The following MAP4K5 variants were observed in gnomAD, a reference collection of about 807,000 sequenced individuals.
The protein encoded by MAP4K5 is MAPK/ERK kinase kinase kinase 5.
In MAP4K5, 82 loss-of-function variants were observed where a neutral mutation model predicts 135.6. That is an observed-to-expected ratio of 0.60 (90% CI 0.51 to 0.73). MAP4K5 has a LOEUF of 0.73. Ranked by LOEUF, MAP4K5 falls within the 30% of genes least tolerant of loss-of-function variation. MAP4K5 has a pLI of 0.00. For synonymous variants in MAP4K5, 347 were observed against 335.0 expected (o/e 1.04, Z -0.39); for missense variants, 907 against 1,010.9 (o/e 0.90, Z 1.39).
chr14:50,421,290 C>T (rs964676457), intron 32 of MAP4K5, among the ~76,000 whole-genome samples: 2 of 151,760 alleles, frequency 1.3e-5, no homozygotes, highest in African/African-American at 4.8e-5. Flanking sequence ...TGGAGTTTTG[C>T]TCTTGTCGCC....
intron 32 of MAP4K5, among the ~76,000 whole-genome samples, chr14:50,422,082 G>C (rs2035747205): frequency 6.6e-6 from 1 of 151,962 alleles, no homozygotes; most frequent in Non-Finnish European, 1.5e-5. Context: ...AGTAGAGACA[G>C]CTGATTCACC....
intron 13 of MAP4K5, among the ~76,000 whole-genome samples, chr14:50,458,580 A>G (rs1447567163): frequency 6.6e-6 from 1 of 152,148 alleles, no homozygotes; most frequent in Non-Finnish European, 1.5e-5. Flanking sequence ...CTTAATTTCT[A>G]TGTTCTCATT....
intron 2 of MAP4K5, chr14:50,505,233 T>C (rs2037785375): frequency 5.8e-6 from 1 of 171,430 alleles, no homozygotes; most frequent in Admixed American, 6.4e-5. Flanking sequence ...TGTATCTAAC[T>C]ACCTAGAGAA....
intron 2 of MAP4K5, among the ~76,000 whole-genome samples, chr14:50,525,535 T>C (rs2038244286): frequency 6.6e-6 from 1 of 152,118 alleles, no homozygotes; most frequent in African/African-American, 2.4e-5. Flanking sequence ...TATTTCCTCC[T>C]AAAAAGTGTT....
chr14:50,444,733 T>C (rs934232263), intron 18 of MAP4K5, among the ~76,000 whole-genome samples: 12 of 152,202 alleles, frequency 7.9e-5, no homozygotes, highest in African/African-American at 2.4e-4. Flanking sequence ...TATGTGGGTA[T>C]ACCTTCTGCT....
rs1227294875 is a variant in MAP4K5, at chr14:50,444,024, C to G, written c.1352G>C (p.Gly451Ala). The G allele has an allele frequency of 6.3e-7, 1 of 1,599,892 alleles. No individual in the cohort carries two copies. Among genetic ancestry groups the G allele is most frequent in the Non-Finnish European group, 8.5e-7 (1 of 1,171,506 alleles). ...ATTTTCACTCATCAGTTTTGAAATACCATCACCATTTCCTAAAGAGAATCA... is the reference window on the plus strand; with the variant it reads ...ATTTTCACTCATCAGTTTTGAAATAGCATCACCATTTCCTAAAGAGAATCA... The part of the protein sequence containing the change: ...AETSSIGNGD[G>A]ISKLMSENTE... Residue 451 changes from glycine to alanine, a missense_variant, in exon 19 of 33, where the codon GGT becomes GCT. Around this residue, in one of 3 missense-constraint regions of MAP4K5, gnomAD observed 690 missense variants for 777.4 expected, o/e 0.89. Transcript: ENST00000682126.
intron 3 of MAP4K5, among the ~76,000 whole-genome samples, chr14:50,497,153 TAC>T (rs2037611921): frequency 6.6e-6 from 1 of 152,206 alleles, no homozygotes; most frequent in African/African-American, 2.4e-5. Context: ...CTATGAAAAA[TAC>T]AGTGACACAA....
At chr14:50,435,639 T>C (rs2036073316) in intron 26 of MAP4K5, among the ~76,000 whole-genome samples, 1 of 151,974 alleles carries the variant, frequency 6.6e-6, no homozygotes, top group Admixed American at 6.6e-5. Context: ...CCCCAAAAAG[T>C]TGTTTCTTAG....
intron 1 of MAP4K5, among the ~76,000 whole-genome samples, chr14:50,555,499 G>C (rs1265289016): frequency 6.6e-6 from 1 of 152,162 alleles, no homozygotes; most frequent in African/African-American, 2.4e-5. Flanking sequence ...GCCCAGGCTG[G>C]TTTGAAACTC....
chr14:50,426,095 T>C (rs1282464298), intron 30 of MAP4K5, 118 bp from the exon 31 acceptor site: 4 of 532,580 alleles, frequency 7.5e-6, no homozygotes, highest in East Asian at 2.9e-5. Context: ...AAAATTCCAC[T>C]GTCTAGACCA....
At chr14:50,466,546 T>G in intron 11 of MAP4K5, 37 bp downstream of exon 11, 1 of 1,045,934 alleles carries the variant, frequency 9.6e-7, no homozygotes, top group Non-Finnish European at 1.4e-6. Context: ...TCCTTTCGAT[T>G]GTAAAATTCT....
intron 2 of MAP4K5, among the ~76,000 whole-genome samples, chr14:50,519,102 C>T (rs891004054): frequency 4.0e-5 from 6 of 151,702 alleles, no homozygotes; most frequent in South Asian, 2.1e-4. Context: ...ATATAATGAA[C>T]TAAAAATTAT....
intron 2 of MAP4K5, among the ~76,000 whole-genome samples, chr14:50,511,528 A>T (rs1425511377): frequency 6.6e-6 from 1 of 152,164 alleles, no homozygotes; most frequent in Non-Finnish European, 1.5e-5. Flanking sequence ...TAACAATAAT[A>T]TATTACATAG....
intron 2 of MAP4K5, among the ~76,000 whole-genome samples, chr14:50,506,322 C>T (rs954141392): frequency 6.6e-6 from 1 of 152,016 alleles, no homozygotes; most frequent in African/African-American, 2.4e-5. Context: ...GAGGAAAAGA[C>T]ACAAACAGAA....
intron 13 of MAP4K5, among the ~76,000 whole-genome samples, chr14:50,459,143 T>G (rs1476836272): frequency 6.6e-6 from 1 of 152,208 alleles, no homozygotes; most frequent in Non-Finnish European, 1.5e-5. Flanking sequence ...CAAACTTTTC[T>G]CTCCAAGCTA....
chr14:50,484,076 G>C (rs552102017), intron 5 of MAP4K5, among the ~76,000 whole-genome samples: 8 of 152,086 alleles, frequency 5.3e-5, no homozygotes, highest in Admixed American at 2.0e-4. Context: ...GGCTAGGCTG[G>C]TCTCAAACTC....
chr14:50,474,370 C>T (rs1298914973), intron 9 of MAP4K5, among the ~76,000 whole-genome samples: 1 of 149,824 alleles, frequency 6.7e-6, no homozygotes. Context: ...AGCCACGTGA[C>T]AGAATGAAAC....
chr14:50,476,273 G>A lies in MAP4K5; in HGVS notation c.412C>T (p.His138Tyr). Residue 138 changes from histidine (H) to tyrosine (Y), a missense_variant, in exon 7 of 33, where the codon CAT (histidine) becomes TAT (tyrosine). By Grantham distance (83) the His-to-Tyr change is moderately conservative (BLOSUM62 2). This residue lies in a region of MAP4K5 where 196 missense variants were observed against 189.3 expected (regional missense o/e 1.04). Transcript: ENST00000682126. ...AATGAACTTACTTTGATATCTCTAT[G>A]CATTTTGCCTTTAGTATGCAAATAG... is the stretch of plus-strand genomic sequence containing the variant. ...LAYLHTKGKM[H>Y]RDIKGANILL... is the part of the protein sequence containing the mutation. 6.7e-7 allele frequency: 1 copy of A among 1,488,584 alleles called. No individual in the cohort carries two copies. Among genetic ancestry groups the A allele is most frequent in the Non-Finnish European group, 9.0e-7 (1 of 1,114,388 alleles). The allele number at this position is 1,488,584 out of a possible 1,614,324, so 92.2% of individuals were successfully genotyped here. A position where few individuals can be genotyped will look rare whatever the true frequency, so the allele number is the denominator to read the frequency against.
chr14:50,488,771 A>G (rs1037488358), intron 3 of MAP4K5, among the ~76,000 whole-genome samples: 1 of 152,214 alleles, frequency 6.6e-6, no homozygotes, highest in Non-Finnish European at 1.5e-5. Context: ...ATTCCCAAGC[A>G]CAGGTTATTA....
Sources: allele counts gnomAD v4.1 joint callset (sites outside exome capture counted in the v4.1 genomes callset), GRCh38; gene constraint gnomAD v4.1.1; regional missense constraint gnomAD v4.1.1; transcripts MANE v1.5; gene names NCBI Gene and HGNC (gene_info 2026-07-23, HGNC 2026-07-21).